CDH23: variants seen among roughly 807,000 people sequenced by gnomAD.
The protein encoded by CDH23 is cadherin-23.
CDH23 carries 189 observed loss-of-function variants against 317.1 expected under a neutral mutation model. The observed-to-expected ratio is 0.60, with a 90% CI of 0.53 to 0.67. The LOEUF (loss-of-function observed/expected upper bound fraction) is 0.67, where lower values mean the gene tolerates loss of function less well. Among genes scored for constraint, CDH23 ranks in the 30% least tolerant of loss-of-function variants. The pLI is 0.00. For missense variants in CDH23, 4,401 were observed against 4,592.4 expected (o/e 0.96, Z 1.20); for synonymous variants, 1,839 against 1,876.8 (o/e 0.98, Z 0.52).
intron 1 of CDH23, among the ~76,000 whole-genome samples, chr10:71,427,250 A>AGAAAGAAAGAAAGAAAGAAAGG (rs1564573036): frequency 1.5e-4 from 21 of 140,322 alleles, no homozygotes; most frequent in African/African-American, 5.4e-4. Context: ...AGAAAGGGAA[A>AGAAAGAAAGAAAGAAAGAAAGG]GAAAGAAAGA....
At chr10:71,423,160 A>C (rs182364707) in intron 1 of CDH23, among the ~76,000 whole-genome samples, 2 of 152,192 alleles carry the variant, frequency 1.3e-5, no homozygotes, top group Non-Finnish European at 2.9e-5. Context: ...TTTAAGGTCC[A>C]GTGAAAGAGA....
At position 71,532,711 on chromosome 10, in the gene CDH23, G is replaced by GTTT. The variant is rs531593760; in HGVS notation, c.429+21512_429+21514dup. 5.0e-4 allele frequency among the ~76,000 whole-genome samples: 64 copies of GTTT among 128,124 alleles called. 1 individual carries two copies. Among genetic ancestry groups the GTTT allele is most frequent in the Non-Finnish European group, 9.1e-4 (52 of 57,018 alleles). 84.1% of individuals were successfully genotyped at this position (128,124 alleles called of 152,430 possible). A position where few individuals can be genotyped will look rare whatever the true frequency, so the allele number is the denominator to read the frequency against. On this transcript the variant is annotated intron_variant, in intron 6 of 69. Coordinates refer to ENST00000224721, the MANE Select transcript of CDH23 (RefSeq NM_022124.6). Reference sequence around the variant, plus strand: ...TGTTGGCAAGTTTTCTTTTGTTTTTGTTTTTTTTTTTTTTTGTTTTTTTTT... The same window carrying GTTT: ...TGTTGGCAAGTTTTCTTTTGTTTTTGTTTTTTTTTTTTTTTTTTGTTTTTTTTT...
At chr10:71,451,340 C>T (rs1418300637) in intron 3 of CDH23, among the ~76,000 whole-genome samples, 1 of 152,202 alleles carries the variant, frequency 6.6e-6, no homozygotes, top group South Asian at 2.1e-4. Flanking sequence ...GCTCCAAGGC[C>T]TGCTCAAGTC....
intron 38 of CDH23, chr10:71,750,845 C>T (rs118014822): frequency 8.3e-5 from 14 of 168,396 alleles, no homozygotes; most frequent in East Asian, 3.2e-4. Context: ...GTCTCTCCAC[C>T]GTGCCCTGTG....
chr10:71,791,441 A>C (rs1336184812), intron 47 of CDH23, 106 bp downstream of exon 47: 5 of 931,356 alleles, frequency 5.4e-6, no homozygotes, highest in Non-Finnish European at 6.6e-6. Context: ...GTGGGGAGAA[A>C]GATGGGCAGC....
intron 52 of CDH23, among the ~76,000 whole-genome samples, chr10:71,800,129 A>C (rs1001339668): frequency 1.3e-5 from 2 of 152,242 alleles, no homozygotes; most frequent in Non-Finnish European, 2.9e-5. Context: ...AAGATGGGTG[A>C]TGATTTCAAA....
intron 56 of CDH23, 29 bp downstream of exon 56, chr10:71,806,026 G>C: frequency 6.4e-7 from 1 of 1,567,174 alleles, no homozygotes; most frequent in Non-Finnish European, 8.6e-7. Flanking sequence ...GCGAGGGGCG[G>C]GGTCTGGGGC....
At chr10:71,791,381 G>C in intron 47 of CDH23, 46 bp downstream of exon 47, 1 of 1,534,788 alleles carries the variant, frequency 6.5e-7, no homozygotes, top group Non-Finnish European at 8.9e-7. Flanking sequence ...GGGGCCGGTT[G>C]GTGGTCACAG....
intron 6 of CDH23, among the ~76,000 whole-genome samples, chr10:71,532,733 T>TG (rs1855468602): frequency 2.9e-5 from 1 of 34,726 alleles, no homozygotes; most frequent in Non-Finnish European, 5.4e-5. Context: ...TTTTGTTTTT[T>TG]TTTTTTTTTT....
chr10:71,487,957 T>A (rs1008446895), intron 3 of CDH23, among the ~76,000 whole-genome samples: 4 of 152,230 alleles, frequency 2.6e-5, no homozygotes, highest in African/African-American at 9.6e-5. Flanking sequence ...GCATAATATA[T>A]CCACCCTGTG....
chr10:71,752,953 A>G (rs762441318), intron 38 of CDH23: 2 of 1,611,880 alleles, frequency 1.2e-6, no homozygotes, highest in Non-Finnish European at 8.5e-7. Flanking sequence ...AGTTTTCTCA[A>G]GAAGGTCTCC....
chr10:71,551,019 G>A (rs150201016), intron 6 of CDH23, among the ~76,000 whole-genome samples: 10 of 152,314 alleles, frequency 6.6e-5, no homozygotes, highest in Non-Finnish European at 1.5e-4. Flanking sequence ...CAGTACAAAC[G>A]AGCGGCAAAC....
In CDH23 at chr10:71,812,129, C is replaced by T. The variant is rs1437800366; in HGVS notation, c.9380+114C>T. On this transcript the variant is annotated intron_variant, in intron 66 of 69. Transcript: ENST00000224721. ...CTGCCGAAACCCAGGCTGTGGGCGC[C>T]CCCTGGTGGGCGGGCCACCCTCCCT... 3 of 1,602,526 alleles carry T rather than the reference C, an allele frequency of 1.9e-6. No individual in the cohort carries two copies. The African/African-American group carries it at 4.0e-5, about 21-fold the overall frequency.
At chr10:71,775,645 G>C (rs902173773) in intron 38 of CDH23, among the ~76,000 whole-genome samples, 6 of 152,114 alleles carry the variant, frequency 3.9e-5, no homozygotes, top group African/African-American at 1.4e-4. Context: ...GAGACCAGAG[G>C]AAGTCAAACC....
In CDH23 at chr10:71,811,439, C is replaced by G. The variant is rs1283722190; in HGVS notation, c.9198+4C>G. The G allele has an allele frequency of 1.2e-6, 2 of 1,613,870 alleles. No individual in the cohort carries two copies. On this transcript the variant is annotated splice_donor_region_variant and intron_variant, in intron 63 of 69. Transcript: ENST00000224721. ...GGATGACATGTCTGCCCTGCAGGTA[C>G]CCGGCGACCGTGCCCCACAGCCCTA...
intron 14 of CDH23, among the ~76,000 whole-genome samples, chr10:71,660,142 G>C (rs1486312994): frequency 6.6e-6 from 1 of 151,868 alleles, no homozygotes; most frequent in Non-Finnish European, 1.5e-5. Context: ...TGTATTTTTA[G>C]TAGAGATGGG....
At position 71,803,401 on chromosome 10, in the gene CDH23, C is replaced by A; in HGVS notation, c.7853C>A (p.Thr2618Asn). 1 of 1,595,530 alleles carries A rather than the reference C, an allele frequency of 6.3e-7. No individual in the cohort carries two copies. The highest frequency in any genetic ancestry group is 8.5e-7 in the Non-Finnish European group (1 of 1,171,788). Residue 2618 changes from threonine to asparagine, a missense_variant, in exon 55 of 70, where the codon ACC becomes AAC. By Grantham distance (65) the Thr-to-Asn change is moderately conservative (BLOSUM62 0). Coordinates refer to ENST00000224721, the MANE Select transcript of CDH23 (RefSeq NM_022124.6). ...GTCTTTGTGCGCCCACCCAACGGCA[C>A]CATCCTCCACATCAGAGAGGTACTC... ...RPVFVRPPNG[T>N]ILHIREEIPL...
intron 18 of CDH23, among the ~76,000 whole-genome samples, chr10:71,687,315 G>A (rs1864947004): frequency 6.6e-6 from 1 of 152,174 alleles, no homozygotes; most frequent in Admixed American, 6.5e-5. Flanking sequence ...GAGTGAGCCT[G>A]GGGCTCAGCT....
intron 38 of CDH23, among the ~76,000 whole-genome samples, chr10:71,763,888 A>C (rs1840461837): frequency 6.6e-6 from 1 of 152,166 alleles, no homozygotes; most frequent in Admixed American, 6.6e-5. Flanking sequence ...ACTGATAACA[A>C]CTTGTGATCC....
Sources: allele counts gnomAD v4.1 joint callset (sites outside exome capture counted in the v4.1 genomes callset), GRCh38; gene constraint gnomAD v4.1.1; transcripts MANE v1.5; gene names NCBI Gene and HGNC (gene_info 2026-07-23, HGNC 2026-07-21).